The following HMBOX1 variants were observed in gnomAD, a reference collection of about 807,000 sequenced individuals.
HMBOX1 encodes the protein homeobox containing 1, also known as homeobox-containing protein 1.
HMBOX1 carries 14 observed loss-of-function variants against 54.5 expected under a neutral mutation model. The ratio of observed to expected loss-of-function variants is 0.26; its 90% confidence interval spans 0.17 to 0.40. HMBOX1 has a LOEUF of 0.40. Among genes scored for constraint, HMBOX1 ranks in the 10% least tolerant of loss-of-function variants. The pLI is 1.00. For missense variants in HMBOX1, 332 were observed against 514.4 expected, an observed-to-expected ratio of 0.65 and a Z score of 3.43; for synonymous variants, 160 against 181.0, an observed-to-expected ratio of 0.88 and a Z score of 0.93.
chr8:29,019,596 A>G (rs1013250245), intron 6 of HMBOX1, among the ~76,000 whole-genome samples: 1 of 152,160 alleles, frequency 6.6e-6, no homozygotes, highest in Non-Finnish European at 1.5e-5. Flanking sequence ...TTTATATGCA[A>G]TTAGGTAATA....
intron 4 of HMBOX1, among the ~76,000 whole-genome samples, chr8:28,994,180 A>AT (rs1831434851): frequency 6.7e-6 from 1 of 150,078 alleles, no homozygotes; most frequent in Non-Finnish European, 1.5e-5. Flanking sequence ...AAAAAAAAAA[A>AT]GGCGGGGGGA....
intron 1 of HMBOX1, among the ~76,000 whole-genome samples, chr8:28,926,738 A>T (rs1818587505): frequency 2.6e-5 from 4 of 151,780 alleles, no homozygotes; most frequent in Admixed American, 2.6e-4. Flanking sequence ...TAGCTAATTT[A>T]AAAAAACTTT....
chr8:28,966,029 T>A (rs1051987803), intron 2 of HMBOX1, among the ~76,000 whole-genome samples: 13 of 152,170 alleles, frequency 8.5e-5, no homozygotes, highest in Non-Finnish European at 1.8e-4. Flanking sequence ...GAAAAAGCTG[T>A]TATCCAATAA....
rs1827172558 is a variant in HMBOX1, at chr8:28,970,337, T to G, written c.318T>G (p.Asp106Glu). 2.5e-6 allele frequency: 4 copies of G among 1,614,056 alleles called. No homozygotes were observed. The highest frequency in any genetic ancestry group is 3.4e-6 in the Non-Finnish European group (4 of 1,180,036). Residue 106 changes from aspartate (D) to glutamate (E), a missense_variant, in exon 3 of 10, where the codon GAT (aspartate) becomes GAG (glutamate). Asp to Glu is a conservative substitution (Grantham distance 45, BLOSUM62 2). This residue lies in a region of HMBOX1 where 146 missense variants were observed against 173.3 expected (regional missense o/e 0.84). Coordinates refer to ENST00000287701, the MANE Select transcript of HMBOX1 (RefSeq NM_001135726.3). This position sits in a 1 kb window ranked among gnomAD's most constrained non-coding sequence, Gnocchi z 4.3. The stretch of plus-strand genomic sequence containing the variant: ...CCCCGTCACCTAGCAACAGTTATGA[T>G]ACTTCCCCACAGCCTTGCACTACCA... ...GMSPSPSNSY[D>E]TSPQPCTTNQ...
intron 3 of HMBOX1, among the ~76,000 whole-genome samples, chr8:28,975,742 AGT>A (rs1447026913): frequency 3.3e-5 from 5 of 150,528 alleles, no homozygotes; most frequent in African/African-American, 4.9e-5. Context: ...AATCTTGAAG[AGT>A]GTGAGATTTT....
At position 28,895,674 on chromosome 8, in the gene HMBOX1, CA is replaced by C. The variant is rs544463520; in HGVS notation, c.-58+5009del. ...TGGGCAACAGAGTGAGACTCAGTCT[CA>C]AAAAAAAAAAAATTTTGATAATGTA... On this transcript the variant is annotated intron_variant, in intron 1 of 9. Transcript: ENST00000287701. 4.4e-3 allele frequency among the ~76,000 whole-genome samples: 609 copies of C among 137,156 alleles called. 8 individuals are homozygous for C. The highest frequency in any genetic ancestry group is 0.014 in the African/African-American group (528 of 36,910). The allele number at this position is 137,156 out of a possible 152,430, so 90.0% of individuals were successfully genotyped here.
intron 1 of HMBOX1, among the ~76,000 whole-genome samples, chr8:28,900,267 A>ATAT (rs1243910972): frequency 0.1 from 5,441 of 53,818 alleles, 187 homozygotes; most frequent in Middle Eastern, 0.26. Context: ...AAAAAAAAAA[A>ATAT]AAAAATATAT....
chr8:29,046,523 T>C (rs958918924), intron 7 of HMBOX1: 3 of 152,256 alleles, frequency 2.0e-5, no homozygotes, highest in Admixed American at 6.5e-5. Flanking sequence ...CAACTTGAAT[T>C]GTGCTATGTA....
chr8:28,963,866 G>T lies in HMBOX1; in HGVS notation c.-2G>T, dbSNP rs757738437. The T allele has an allele frequency of 2.1e-5, 33 of 1,601,404 alleles. No homozygotes were observed. Among genetic ancestry groups the T allele is most frequent in the Non-Finnish European group, 2.6e-5 (30 of 1,172,672 alleles). On this transcript the variant is annotated 5_prime_UTR_variant, in exon 2 of 10. Transcript: ENST00000287701. Reference sequence around the variant, plus strand: ...AGGATATTGATCCGCCTCATGTAAAGTATGCTTAGTTCCTTTCCAGTGGTG... The same window carrying T: ...AGGATATTGATCCGCCTCATGTAAATTATGCTTAGTTCCTTTCCAGTGGTG...
At chr8:28,924,477 T>C (rs1818098622) in intron 1 of HMBOX1, among the ~76,000 whole-genome samples, 1 of 149,804 alleles carries the variant, frequency 6.7e-6, no homozygotes, top group African/African-American at 2.5e-5. Context: ...TTTGGTTACC[T>C]GTGCTTTTGG....
chr8:28,898,010 G>T (rs1296047691), intron 1 of HMBOX1, among the ~76,000 whole-genome samples: 1 of 152,144 alleles, frequency 6.6e-6, no homozygotes, highest in Non-Finnish European at 1.5e-5. Flanking sequence ...TACAGGGTTG[G>T]TTATACTTTG....
At chr8:29,033,496 A>G (rs1049821343) in intron 6 of HMBOX1, among the ~76,000 whole-genome samples, 2 of 152,182 alleles carry the variant, frequency 1.3e-5, no homozygotes, top group Non-Finnish European at 2.9e-5. Flanking sequence ...ATCCCAATCC[A>G]TTTCTCATAG....
rs1227652610 is a variant in HMBOX1, at chr8:29,030,459, T to C, written c.851+11546T>C. On this transcript the variant is annotated intron_variant, in intron 6 of 9. Coordinates refer to ENST00000287701, the MANE Select transcript of HMBOX1 (RefSeq NM_001135726.3). ...GTCTTGAACTCCCAACCTCAGGTGA[T>C]CCGCCTGCCTTGGCCTCCCAAACTG... 2.0e-5 allele frequency among the ~76,000 whole-genome samples: 3 copies of C among 152,204 alleles called. No homozygotes were observed. In the East Asian group the frequency reaches 5.8e-4, roughly 29 times the overall value.
At chr8:29,028,698 T>C (rs1261587721) in intron 6 of HMBOX1, among the ~76,000 whole-genome samples, 1 of 152,234 alleles carries the variant, frequency 6.6e-6, no homozygotes, top group Non-Finnish European at 1.5e-5. Flanking sequence ...ACATTCCTTT[T>C]CCTAGTCTTC....
At chr8:28,987,859 A>T (rs924344551) in intron 4 of HMBOX1, among the ~76,000 whole-genome samples, 1 of 152,226 alleles carries the variant, frequency 6.6e-6, no homozygotes, top group South Asian at 2.1e-4. Context: ...AACTTCAGCT[A>T]AATTTAACTA....
Position 28,959,608 on chromosome 8 carries a change from ATTTAATT to A in HMBOX1, c.-57-4197_-57-4191del, listed in dbSNP as rs140566245. Among the ~76,000 whole-genome samples the A allele has an allele frequency of 1.1e-3, 170 of 152,264 alleles. 1 individual carries two copies. Among genetic ancestry groups the A allele is most frequent in the African/African-American group, 4.0e-3 (165 of 41,560 alleles). ...GTGAGTTTTTACTTAGATCTTTTACATTTAATTTTTAAGTGAAATGGTATGTTCTGTA... is the reference window on the plus strand; with the variant it reads ...GTGAGTTTTTACTTAGATCTTTTACATTTAAGTGAAATGGTATGTTCTGTA... On this transcript the variant is annotated intron_variant, in intron 1 of 9. Transcript: ENST00000287701.
chr8:28,917,375 A>G (rs1317290473), intron 1 of HMBOX1, among the ~76,000 whole-genome samples: 1 of 152,170 alleles, frequency 6.6e-6, no homozygotes, highest in East Asian at 1.9e-4. Context: ...AATAAGTAGA[A>G]ATGTAATTGA....
rs901627268 is a variant in HMBOX1, at chr8:29,052,671, T to TA, written c.*1517dup. The TA allele has an allele frequency of 6.6e-6, 1 of 152,156 alleles. No individual in the cohort carries two copies. Among genetic ancestry groups the TA allele is most frequent in the African/African-American group, 2.4e-5 (1 of 41,426 alleles). 9.4% of individuals were successfully genotyped at this position (152,156 alleles called of 1,614,324 possible). On this transcript the variant is annotated 3_prime_UTR_variant, in exon 10 of 10. Transcript: ENST00000287701. ...AAGAAAATTACATCTGCTGGCCTTGTATGAAAATGATCTCTTGGCATCCCG... is the reference window on the plus strand; with the variant it reads ...AAGAAAATTACATCTGCTGGCCTTGTAATGAAAATGATCTCTTGGCATCCCG...
chr8:28,896,978 G>T (rs1443308326), intron 1 of HMBOX1, among the ~76,000 whole-genome samples: 6 of 141,874 alleles, frequency 4.2e-5, no homozygotes, highest in South Asian at 2.3e-4. Flanking sequence ...TATTGGCTAG[G>T]TTTTTTTTTT....
Sources: allele counts gnomAD v4.1 joint callset (sites outside exome capture counted in the v4.1 genomes callset), GRCh38; gene constraint gnomAD v4.1.1; regional missense constraint gnomAD v4.1.1; non-coding constraint Gnocchi (gnomAD v3.1); transcripts MANE v1.5; gene names NCBI Gene and HGNC (gene_info 2026-07-23, HGNC 2026-07-21).